RHOBTB2: variants seen among roughly 807,000 people sequenced by gnomAD.
RHOBTB2 encodes Rho related BTB domain containing 2, also known as rho-related BTB domain-containing protein 2.
Under a neutral mutation model 66.5 loss-of-function variants are expected in RHOBTB2, and 39 were observed. That is an observed-to-expected ratio of 0.59 (90% confidence interval 0.45 to 0.77). The LOEUF (loss-of-function observed/expected upper bound fraction) is 0.77, where lower values mean the gene tolerates loss of function less well. Ranked by LOEUF, RHOBTB2 falls within the 30% of genes least tolerant of loss-of-function variation. The probability of loss-of-function intolerance (pLI) is 0.00; values close to 1 mark genes in which losing one functional copy is unlikely to be tolerated. For missense variants in RHOBTB2, 755 were observed against 999.1 expected (o/e 0.76, Z 3.29); for synonymous variants, 390 against 395.0 (o/e 0.99, Z 0.15).
upstream of RHOBTB2, chr8:22,994,688 T>G: frequency 2.1e-6 from 3 of 1,452,150 alleles, no homozygotes; most frequent in Middle Eastern, 1.7e-4. Flanking sequence ...CATTGATTCA[T>G]CCATCGAGCA....
upstream of RHOBTB2, among the ~76,000 whole-genome samples, chr8:22,996,867 C>A (rs1159680193): frequency 6.6e-6 from 1 of 152,060 alleles, no homozygotes; most frequent in African/African-American, 2.4e-5. Context: ...CAGGATCTGG[C>A]ATTGGAGAGA....
chr8:23,007,992 G>T lies in RHOBTB2; in HGVS notation c.1502-1G>T. 2.5e-6 allele frequency: 4 copies of T among 1,613,168 alleles called. No individual in the cohort carries two copies. Among genetic ancestry groups the T allele is most frequent in the Non-Finnish European group, 3.4e-6 (4 of 1,179,220 alleles). The stretch of plus-strand genomic sequence containing the variant: ...CCTCCTGTGATGCTTCTTCTGGACA[G>T]ATGTGACCTTCATCCTGGATGATGG... On this transcript the variant is annotated splice_acceptor_variant, in intron 5 of 9. Transcript: ENST00000251822. LOFTEE classifies it high-confidence loss of function.
At chr8:22,982,725 A>G (rs1810231899), upstream of RHOBTB2, among the ~76,000 whole-genome samples, 2 of 152,250 alleles carry the variant, frequency 1.3e-5, no homozygotes, top group South Asian at 4.1e-4. Context: ...GATCTTTCTC[A>G]CATACTATCT....
In RHOBTB2 at chr8:23,004,984, A is replaced by G. The variant is rs1285610402; in HGVS notation, c.192+358A>G. The G allele has an allele frequency of 2.4e-6, 1 of 419,680 alleles. No homozygotes were observed. Among genetic ancestry groups the G allele is most frequent in the Non-Finnish European group, 4.4e-6 (1 of 227,450 alleles). 26.0% of individuals were successfully genotyped at this position (419,680 alleles called of 1,614,324 possible). A position where few individuals can be genotyped will look rare whatever the true frequency, so the allele number is the denominator to read the frequency against. On this transcript the variant is annotated intron_variant, in intron 2 of 9. Coordinates refer to ENST00000251822, the MANE Select transcript of RHOBTB2 (RefSeq NM_015178.3). This position sits in a 1 kb window ranked among gnomAD's most constrained non-coding sequence, Gnocchi z 6.4. Reference sequence around the variant, plus strand: ...AGCAAAGAAGCTGGCAGCTGATAGCAAAAGACCAGAGGCTCACAAACATGC... The same window carrying G: ...AGCAAAGAAGCTGGCAGCTGATAGCGAAAGACCAGAGGCTCACAAACATGC...
chr8:23,005,999 C>G lies in RHOBTB2; in HGVS notation c.336C>G (p.Pro112=), dbSNP rs779699123. 2 of 1,614,034 alleles carry G rather than the reference C, an allele frequency of 1.2e-6. No individual in the cohort carries two copies. The highest frequency in any genetic ancestry group is 1.1e-5 in the South Asian group (1 of 91,070). ...TTCTGTGCTTCTCCATTGCCAACCC[C>G]AATTCCCTCCACCATGTCAAGACCA... ...VVVLCFSIAN[P]NSLHHVKTMW... Residue 112 remains proline, a synonymous_variant, in exon 4 of 10, where the codon CCC becomes CCG. Coordinates refer to ENST00000251822, the MANE Select transcript of RHOBTB2 (RefSeq NM_015178.3).
chr8:22,997,115 T>C (rs2128799572), upstream of RHOBTB2, among the ~76,000 whole-genome samples: 1 of 152,152 alleles, frequency 6.6e-6, no homozygotes, highest in East Asian at 1.9e-4. Context: ...CTGGAGCTCC[T>C]CGCAGGCTGG....
intron 1 of RHOBTB2, among the ~76,000 whole-genome samples, 157 bp downstream of exon 1, chr8:23,000,262 A>T (rs768067480): frequency 1.2e-4 from 19 of 152,140 alleles, no homozygotes; most frequent in Non-Finnish European, 1.8e-4. Flanking sequence ...GCGGGGCTGG[A>T]GCCTAATCCT....
the RHOBTB2 span, among the ~76,000 whole-genome samples, chr8:22,950,931 C>T: frequency 3.3e-5 from 5 of 152,128 alleles, no homozygotes; most frequent in African/African-American, 4.8e-5. Flanking sequence ...GCACAACTGC[C>T]GGCATTCACC....
chr8:22,987,884 C>T (rs1444617846), intron 1 of RHOBTB2, among the ~76,000 whole-genome samples: 3 of 152,134 alleles, frequency 2.0e-5, no homozygotes, highest in African/African-American at 4.8e-5. Flanking sequence ...TGTCACCAGT[C>T]GCCATGTGCC....
intron 6 of RHOBTB2, among the ~76,000 whole-genome samples, chr8:23,009,048 G>C (rs926846211): frequency 6.6e-6 from 1 of 152,030 alleles, no homozygotes; most frequent in Admixed American, 6.5e-5. Flanking sequence ...ATAGGTGTAG[G>C]GGGTGGCTTA....
chr8:22,999,495 C>G, upstream of RHOBTB2: 5 of 995,380 alleles, frequency 5.0e-6, no homozygotes, highest in Non-Finnish European at 6.2e-6. Flanking sequence ...TTCCCCCGCC[C>G]GCCCCCTCCC....
chr8:23,007,187 C>G lies in RHOBTB2; in HGVS notation c.942C>G (p.Thr314=). Reference sequence around the variant, plus strand: ...GGGGCCCCTCGGAGCCAGGGGGCACCCACCCAGAGGACCACCAGGGCCACT... The same window carrying G: ...GGGGCCCCTCGGAGCCAGGGGGCACGCACCCAGAGGACCACCAGGGCCACT... ...ELGGPSEPGG[T]HPEDHQGHSD... Residue 314 remains threonine, a synonymous_variant, in exon 5 of 10, where the codon ACC becomes ACG. Coordinates refer to ENST00000251822, the MANE Select transcript of RHOBTB2 (RefSeq NM_015178.3). 6.2e-7 allele frequency: 1 copy of G among 1,604,088 alleles called. No individual in the cohort carries two copies. Among genetic ancestry groups the G allele is most frequent in the Non-Finnish European group, 8.5e-7 (1 of 1,178,488 alleles).
chr8:23,016,837 GCTGCTGTGTC>G (rs910243040), intron 9 of RHOBTB2, among the ~76,000 whole-genome samples: 13 of 152,284 alleles, frequency 8.5e-5, no homozygotes, highest in Admixed American at 5.2e-4. Context: ...CCTCTGGTCT[GCTGCTGTGTC>G]CTGCTGTGTC....
At position 23,018,647 on chromosome 8, in the gene RHOBTB2, CAA is replaced by C. The variant is rs1811376413; in HGVS notation, c.*1180_*1181del. 1 of 152,292 alleles carries C rather than the reference CAA, an allele frequency of 6.6e-6. No homozygotes were observed. The highest frequency in any genetic ancestry group is 2.4e-5 in the African/African-American group (1 of 41,438). 9.4% of individuals were successfully genotyped at this position (152,292 alleles called of 1,614,324 possible). On this transcript the variant is annotated 3_prime_UTR_variant, in exon 10 of 10. Transcript: ENST00000251822. ...GTGATTGAGGGGCCCGGGCTGGCGG[CAA>C]AGAGGGGTTTGGTCTCGGGGCTTAA... is the stretch of plus-strand genomic sequence containing the variant.
upstream of RHOBTB2, among the ~76,000 whole-genome samples, chr8:22,996,855 T>C (rs1299453228): frequency 4.6e-5 from 7 of 152,154 alleles, no homozygotes; most frequent in African/African-American, 1.7e-4. Flanking sequence ...GGCCCTGTTT[T>C]CCAGGATCTG....
In RHOBTB2 at chr8:23,019,875, T is replaced by C. The variant is rs1390905944; in HGVS notation, c.*2406T>C. 1.0e-5 allele frequency: 2 copies of C among 191,578 alleles called. No homozygotes were observed. The highest frequency in any genetic ancestry group is 4.8e-5 in the African/African-American group (2 of 42,034). The allele number at this position is 191,578 out of a possible 1,614,324, so 11.9% of individuals were successfully genotyped here. A position where few individuals can be genotyped will look rare whatever the true frequency, so the allele number is the denominator to read the frequency against. ...AGGCTGTGGGTGAGCCAGGCCAACA[T>C]TGGTGTCCCTGTCCCCAGAGGGAGG... On this transcript the variant is annotated 3_prime_UTR_variant, in exon 10 of 10. Transcript: ENST00000251822.
chr8:22,977,103 A>C, the RHOBTB2 span, among the ~76,000 whole-genome samples: 1 of 152,214 alleles, frequency 6.6e-6, no homozygotes, highest in East Asian at 1.9e-4. Flanking sequence ...AAATTAATTA[A>C]TTTATTAACA....
chr8:22,994,754 C>A, upstream of RHOBTB2: 4 of 744,614 alleles, frequency 5.4e-6, no homozygotes, highest in African/African-American at 3.6e-5. Flanking sequence ...AGCACTAGAC[C>A]AACATAAAAA....
chr8:22,973,364 G>A, the RHOBTB2 span, among the ~76,000 whole-genome samples: 1 of 152,012 alleles, frequency 6.6e-6, no homozygotes, highest in Non-Finnish European at 1.5e-5. Context: ...AAGTAGCTGG[G>A]GTCACAGGTG....
Sources: gnomAD v4.1 joint callset for allele counts (sites outside exome capture counted in the v4.1 genomes callset) on GRCh38, gnomAD v4.1.1 for gene constraint, Gnocchi (gnomAD v3.1) non-coding constraint, MANE v1.5 for transcripts, NCBI Gene and HGNC (gene_info 2026-07-23, HGNC 2026-07-21) for gene names.